TASL: variants seen among roughly 807,000 people sequenced by gnomAD.
TASL encodes the protein TLR adaptor interacting with endolysosomal SLC15A4.
TASL carries 6 observed loss-of-function variants against 12.9 expected under a neutral mutation model. The ratio of observed to expected loss-of-function variants is 0.46; its 90% CI spans 0.25 to 0.92. The LOEUF (loss-of-function observed/expected upper bound fraction) is 0.92, where lower values mean the gene tolerates loss of function less well. Among genes scored for constraint, TASL ranks in the 40% least tolerant of loss-of-function variants. The pLI is 0.17. For synonymous variants in TASL, 85 were observed against 79.3 expected (o/e 1.07, Z -0.38); for missense variants, 165 against 212.8 (o/e 0.78, Z 1.40).
chrX:30,569,557 G>A (rs1452568902), intron 2 of TASL, among the ~76,000 whole-genome samples: 1 of 111,596 alleles, frequency 9.0e-6, no homozygotes, highest in African/African-American at 3.3e-5. Context: ...CCTTCCACTT[G>A]CAGGCAGTAG....
Sources: allele counts gnomAD v4.1 joint callset (sites outside exome capture counted in the v4.1 genomes callset), GRCh38; gene constraint gnomAD v4.1.1; transcripts MANE v1.5; gene names NCBI Gene and HGNC (gene_info 2026-07-23, HGNC 2026-07-21).